Variants in CHIC1 observed in about 807,000 individuals in gnomAD.
CHIC1 encodes cysteine rich hydrophobic domain 1.
Under a neutral mutation model 18.5 loss-of-function variants are expected in CHIC1, and 7 were observed. The ratio of observed to expected loss-of-function variants is 0.38; its 90% CI spans 0.22 to 0.71. CHIC1 has a LOEUF of 0.71. Ranked by LOEUF, CHIC1 falls within the 30% of genes least tolerant of loss-of-function variation. CHIC1 has a pLI of 0.49. For missense variants in CHIC1, 159 were observed against 176.9 expected (o/e 0.90, Z 0.57); for synonymous variants, 77 against 73.5 (o/e 1.05, Z -0.25).
rs775608222 is a variant in CHIC1 at position 73,685,318 on chromosome X, T to G, written c.*4313T>G. 1 of 111,632 alleles carries G rather than the reference T, an allele frequency of 9.0e-6. No homozygotes were observed. Among genetic ancestry groups the G allele is most frequent in the Admixed American group, 9.5e-5 (1 of 10,493 alleles). The allele number at this position is 111,632 out of a possible 1,213,427, so 9.2% of individuals were successfully genotyped here. A position where few individuals can be genotyped will look rare whatever the true frequency, so the allele number is the denominator to read the frequency against. On this transcript the variant is annotated 3_prime_UTR_variant, in exon 6 of 6. Transcript: ENST00000373502. ...TTTTCCTAGGAACTGAGCACTGAGGTCTGTGTCCTTTGCCTGTGTAGAATC... is the reference window on the plus strand; with the variant it reads ...TTTTCCTAGGAACTGAGCACTGAGGGCTGTGTCCTTTGCCTGTGTAGAATC...
intron 3 of CHIC1, among the ~76,000 whole-genome samples, chrX:73,586,338 A>G (rs1308563043): frequency 9.0e-6 from 1 of 111,427 alleles, no homozygotes; most frequent in Admixed American, 9.6e-5. Flanking sequence ...ACTATACTAG[A>G]CAGCAAAACA....
rs1304608419 is a variant in CHIC1 at position 73,563,253 on chromosome X, C to T, written c.-32C>T. 2 of 1,085,132 alleles carry T rather than the reference C, an allele frequency of 1.8e-6. No individual in the cohort carries two copies. The highest frequency in any genetic ancestry group is 3.6e-5 in the Admixed American group (1 of 27,665). The allele number at this position is 1,085,132 out of a possible 1,213,427, so 89.4% of individuals were successfully genotyped here. On this transcript the variant is annotated 5_prime_UTR_variant, in exon 1 of 6. Coordinates refer to ENST00000373502, the MANE Select transcript of CHIC1 (RefSeq NM_001039840.4). ...ACCTCGGCAGGTTCAAACTCTTCTC[C>T]GGGAGCGTGGCGGCGATCGCGAGGT... is the stretch of plus-strand genomic sequence containing the variant.
intron 3 of CHIC1, among the ~76,000 whole-genome samples, chrX:73,610,796 A>G (rs1213539596): frequency 9.3e-6 from 1 of 107,467 alleles, no homozygotes. Flanking sequence ...TTTCTTGTTG[A>G]TTTGATGCTG....
intron 3 of CHIC1, among the ~76,000 whole-genome samples, chrX:73,591,042 T>C (rs778980059): frequency 3.6e-5 from 4 of 111,702 alleles, no homozygotes; most frequent in Non-Finnish European, 7.5e-5. Context: ...TGCCATTTTG[T>C]ATTCCCACCA....
intron 3 of CHIC1, among the ~76,000 whole-genome samples, chrX:73,640,900 C>T (rs1419327263): frequency 1.8e-5 from 2 of 111,089 alleles, no homozygotes; most frequent in Non-Finnish European, 3.8e-5. Flanking sequence ...GGTTAGTTTG[C>T]TCTTGCTTCT....
In CHIC1 at chrX:73,653,374, A is replaced by G. The variant is rs145972574; in HGVS notation, c.508-25952A>G. On this transcript the variant is annotated intron_variant, in intron 3 of 5. Coordinates refer to ENST00000373502, the MANE Select transcript of CHIC1 (RefSeq NM_001039840.4). ...AATAACAAGAAAATCAGTTGGCTGT[A>G]AAATATGTGGATTTACTTCAGGGTC... is the stretch of plus-strand genomic sequence containing the variant. Among the ~76,000 whole-genome samples the G allele has an allele frequency of 3.9e-3, 431 of 111,948 alleles. 2 individuals are homozygous for G. The highest frequency in any genetic ancestry group is 0.012 in the African/African-American group (382 of 30,840).
chrX:73,643,338 T>G, intron 3 of CHIC1, among the ~76,000 whole-genome samples: 1 of 107,954 alleles, frequency 9.3e-6, no homozygotes, highest in Non-Finnish European at 1.9e-5. Context: ...ATCTGACAAT[T>G]ACGTGTCTTG....
chrX:73,584,326 TTAAATTATTTG>T (rs772473008), intron 2 of CHIC1, 80 bp from the exon 3 acceptor site: 2 of 822,210 alleles, frequency 2.4e-6, no homozygotes, highest in Non-Finnish European at 3.4e-6. Context: ...TTGTGATTCC[TTAAATTATTTG>T]TAATAAATGT....
chrX:73,673,920 C>T (rs1350423672), intron 3 of CHIC1, among the ~76,000 whole-genome samples: 2 of 111,576 alleles, frequency 1.8e-5, no homozygotes, highest in Non-Finnish European at 3.8e-5. Flanking sequence ...TGAGATATGT[C>T]CCATCAATAC....
rs147848664 is a variant in CHIC1, at chrX:73,563,521, G to A, written c.237G>A (p.Glu79=). Residue 79 remains glutamate (E), a synonymous_variant, in exon 1 of 6, where the codon GAG becomes GAA. Coordinates refer to ENST00000373502, the MANE Select transcript of CHIC1 (RefSeq NM_001039840.4). ...APPPPRVVSE[E]HLRRYAPDPV... is the part of the protein sequence containing the mutation. ...CCCCGCCTCGGGTAGTGAGCGAGGAGCATCTGCGGAGATATGCTCCCGACC... is the reference window on the plus strand; with the variant it reads ...CCCCGCCTCGGGTAGTGAGCGAGGAACATCTGCGGAGATATGCTCCCGACC... 2.7e-5 allele frequency: 31 copies of A among 1,152,430 alleles called. No homozygotes were observed. In the African/African-American group the frequency reaches 3.6e-4, roughly 13 times the overall value. The allele number at this position is 1,152,430 out of a possible 1,213,427, so 95.0% of individuals were successfully genotyped here. A position where few individuals can be genotyped will look rare whatever the true frequency, so the allele number is the denominator to read the frequency against.
At chrX:73,678,943 G>A (rs1030350450) in intron 3 of CHIC1, among the ~76,000 whole-genome samples, 4 of 111,902 alleles carry the variant, frequency 3.6e-5, no homozygotes, top group East Asian at 5.6e-4. Context: ...ATTATTTAAA[G>A]TAATCCTAAG....
intron 3 of CHIC1, among the ~76,000 whole-genome samples, chrX:73,619,804 C>G (rs965169412): frequency 3.6e-5 from 4 of 111,018 alleles, no homozygotes; most frequent in Non-Finnish European, 7.5e-5. Flanking sequence ...GTTTGCTACA[C>G]CCATCGACCT....
At chrX:73,590,504 C>G (rs1428559607) in intron 3 of CHIC1, among the ~76,000 whole-genome samples, 1 of 111,020 alleles carries the variant, frequency 9.0e-6, no homozygotes, top group African/African-American at 3.3e-5. Flanking sequence ...AGGCTTCACT[C>G]TTTGTGTTCT....
chrX:73,640,753 G>C (rs763739324), intron 3 of CHIC1, among the ~76,000 whole-genome samples: 26 of 110,384 alleles, frequency 2.4e-4, no homozygotes, highest in Non-Finnish European at 4.4e-4. Context: ...TTCTTTATTA[G>C]TCTAACAAGC....
In CHIC1 at chrX:73,587,238, G is replaced by A. The variant is rs183894871; in HGVS notation, c.507+2666G>A. On this transcript the variant is annotated intron_variant, in intron 3 of 5. Transcript: ENST00000373502. The stretch of plus-strand genomic sequence containing the variant: ...TAGTCTGCCTTATAATTTTTTGGCA[G>A]TATAATTCATGAGAATTTTCTCTAG... Among the ~76,000 whole-genome samples, 9 of 112,149 alleles carry A rather than the reference G, an allele frequency of 8.0e-5. No homozygotes were observed. The East Asian group carries it at 2.5e-3, about 32-fold the overall frequency.
chrX:73,594,627 G>A (rs924630710), intron 3 of CHIC1, among the ~76,000 whole-genome samples: 2 of 112,191 alleles, frequency 1.8e-5, no homozygotes, highest in Admixed American at 1.9e-4. Flanking sequence ...CAATGCATAT[G>A]CATTTCAAGT....
intron 3 of CHIC1, among the ~76,000 whole-genome samples, chrX:73,671,423 ATTTG>A (rs747827119): frequency 1.8e-5 from 2 of 111,869 alleles, no homozygotes; most frequent in Non-Finnish European, 3.8e-5. Flanking sequence ...CACGTCAAAA[ATTTG>A]TTTGCTTGAT....
At chrX:73,646,469 A>G (rs2057889952) in intron 3 of CHIC1, among the ~76,000 whole-genome samples, 1 of 112,184 alleles carries the variant, frequency 8.9e-6, no homozygotes, top group Non-Finnish European at 1.9e-5. Flanking sequence ...GAATTGCACA[A>G]ACACAAAATA....
At chrX:73,622,707 G>C (rs1462754671) in intron 3 of CHIC1, among the ~76,000 whole-genome samples, 1 of 111,351 alleles carries the variant, frequency 9.0e-6, no homozygotes. Flanking sequence ...TCTGTTCTTA[G>C]TTATTTCTTG....
Sources: gnomAD v4.1 joint callset for allele counts (sites outside exome capture counted in the v4.1 genomes callset) on GRCh38, gnomAD v4.1.1 for gene constraint, MANE v1.5 for transcripts, NCBI Gene and HGNC (gene_info 2026-07-23, HGNC 2026-07-21) for gene names.